The following PPP2R2B variants were observed in gnomAD, a reference collection of about 807,000 sequenced individuals.
PPP2R2B encodes serine/threonine-protein phosphatase 2A 55 kDa regulatory subunit B beta isoform.
A neutral mutation model predicts 46.0 loss-of-function variants in PPP2R2B; 5 were observed. That is an observed-to-expected ratio of 0.11 (90% CI 0.06 to 0.23). The LOEUF (loss-of-function observed/expected upper bound fraction) is 0.23, where lower values mean the gene tolerates loss of function less well. PPP2R2B is among the 10% of genes least tolerant of loss of function. The pLI is 1.00. For missense variants in PPP2R2B, 367 were observed against 575.0 expected (o/e 0.64, Z 3.70); for synonymous variants, 215 against 206.7 (o/e 1.04, Z -0.34).
At chr5:146,961,447 G>A (rs1179643855) in intron 1 of PPP2R2B, among the ~76,000 whole-genome samples, 2 of 152,134 alleles carry the variant, frequency 1.3e-5, no homozygotes, top group African/African-American at 2.4e-5. Flanking sequence ...TGCTCTATCT[G>A]TAACAACTTT....
intron 5 of PPP2R2B, among the ~76,000 whole-genome samples, chr5:146,668,185 ACGAT>A (rs943372293): frequency 1.4e-4 from 8 of 58,772 alleles, no homozygotes; most frequent in Admixed American, 6.5e-4. Context: ...CCTAAAGAAA[ACGAT>A]TAATTCTCTA....
chr5:146,970,323 G>A (rs898660111), intron 1 of PPP2R2B, among the ~76,000 whole-genome samples: 8 of 152,066 alleles, frequency 5.3e-5, no homozygotes, highest in African/African-American at 1.2e-4. Flanking sequence ...AAGACCAGCC[G>A]GGTGCGGTGG....
At chr5:146,744,879 G>GCATT (rs1753080998) in intron 2 of PPP2R2B, among the ~76,000 whole-genome samples, 1 of 152,044 alleles carries the variant, frequency 6.6e-6, no homozygotes, top group Non-Finnish European at 1.5e-5. Context: ...ACTTTCAAAT[G>GCATT]CATTGCTCAG....
chr5:146,589,396 A>ATCTC lies in PPP2R2B; in HGVS notation c.*547_*550dup, dbSNP rs1296777315. ...TCCTCTTCTCAGCTTCATGCAATAA[A>ATCTC]TCTCTGGCTTAAATGAAATTGTTCA... On this transcript the variant is annotated 3_prime_UTR_variant, in exon 10 of 10. Coordinates refer to ENST00000394411, the MANE Select transcript of PPP2R2B (RefSeq NM_181675.4). The ATCTC allele has an allele frequency of 1.3e-5, 2 of 153,966 alleles. No homozygotes were observed. Among genetic ancestry groups the ATCTC allele is most frequent in the African/African-American group, 4.8e-5 (2 of 41,430 alleles). 9.5% of individuals were successfully genotyped at this position (153,966 alleles called of 1,614,324 possible).
chr5:147,026,321 T>C (rs1327258392), intron 1 of PPP2R2B, among the ~76,000 whole-genome samples: 5 of 152,208 alleles, frequency 3.3e-5, no homozygotes, highest in Admixed American at 2.0e-4. Context: ...CACAGTAACA[T>C]TGATGAATCT....
intron 2 of PPP2R2B, among the ~76,000 whole-genome samples, chr5:146,821,405 T>C (rs1758254514): frequency 6.6e-6 from 1 of 152,222 alleles, no homozygotes; most frequent in African/African-American, 2.4e-5. Context: ...GCTCAAAGCA[T>C]GAGCCCACCC....
chr5:147,073,093 T>C lies in PPP2R2B; in HGVS notation c.50+7966A>G, dbSNP rs531048609. The stretch of plus-strand genomic sequence containing the variant: ...GGAGCAACAGGGTTTTGTCCATGAC[T>C]GGCCTCATCGTCCAGCCCAGTGCCT... On this transcript the variant is annotated intron_variant, in intron 2 of 10. Coordinates refer to the PPP2R2B transcript ENST00000394413. Among the ~76,000 whole-genome samples, 175 of 152,360 alleles carry C rather than the reference T, an allele frequency of 1.1e-3. 2 individuals are homozygous for C. Among genetic ancestry groups the C allele is most frequent in the African/African-American group, 3.5e-3 (146 of 41,578 alleles).
At chr5:147,062,044 G>A (rs1293820952) in intron 2 of PPP2R2B, among the ~76,000 whole-genome samples, 2 of 152,164 alleles carry the variant, frequency 1.3e-5, no homozygotes, top group African/African-American at 4.8e-5. Context: ...GTGCCATAAT[G>A]ACATTTCAGT....
intron 2 of PPP2R2B, chr5:146,706,834 A>G: frequency 1.0e-6 from 1 of 991,200 alleles, no homozygotes; most frequent in Non-Finnish European, 1.6e-6. Context: ...CCTTGACCTC[A>G]GCGATGATGC....
At chr5:146,854,386 T>A (rs1010919961) in intron 2 of PPP2R2B, among the ~76,000 whole-genome samples, 1 of 152,206 alleles carries the variant, frequency 6.6e-6, no homozygotes, top group Non-Finnish European at 1.5e-5. Flanking sequence ...ATTCGGGTTA[T>A]TTATCACCTT....
chr5:146,835,882 A>G (rs1327528351), intron 2 of PPP2R2B, among the ~76,000 whole-genome samples: 3 of 152,214 alleles, frequency 2.0e-5, no homozygotes, highest in African/African-American at 7.2e-5. Context: ...CATCTTGGAC[A>G]TTATGCTAAT....
chr5:146,601,769 T>C (rs1389032921), intron 7 of PPP2R2B, among the ~76,000 whole-genome samples: 1 of 152,224 alleles, frequency 6.6e-6, no homozygotes, highest in Admixed American at 6.5e-5. Context: ...ATATATTGCA[T>C]AGTGGTGAGG....
At chr5:146,787,102 C>G (rs1275294238) in intron 2 of PPP2R2B, among the ~76,000 whole-genome samples, 1 of 152,152 alleles carries the variant, frequency 6.6e-6, no homozygotes, top group African/African-American at 2.4e-5. Flanking sequence ...TGTCAAAAAT[C>G]AAACACACAC....
rs368021236 is a variant in PPP2R2B, at chr5:146,698,039, T to C, written c.274A>G (p.Ile92Val). The part of the protein sequence containing the change: ...YLKSLEIEEK[I>V]NKIRWLPQQN... ...TGGGGGAGCCATCTTATTTTATTGA[T>C]TTTTTCTTCTATTTCTAAACTCTTC... is the stretch of plus-strand genomic sequence containing the variant. The change falls in exon 4 of 10, where the codon ATC becomes GTC. Residue 92 changes from isoleucine to valine, a missense_variant. Coordinates refer to ENST00000394411, the MANE Select transcript of PPP2R2B (RefSeq NM_181675.4). 2 of 1,613,550 alleles carry C rather than the reference T, an allele frequency of 1.2e-6. No individual in the cohort carries two copies. The highest frequency in any genetic ancestry group is 2.7e-5 in the African/African-American group (2 of 74,794).
intron 1 of PPP2R2B, among the ~76,000 whole-genome samples, chr5:147,023,561 A>G (rs1388227205): frequency 6.6e-6 from 1 of 152,202 alleles, no homozygotes; most frequent in East Asian, 1.9e-4. Flanking sequence ...AACAATAATC[A>G]TAAGAGGGAT....
intron 1 of PPP2R2B, among the ~76,000 whole-genome samples, chr5:146,959,530 T>TATGCATGCATGAATAA (rs1157326651): frequency 6.6e-6 from 1 of 152,130 alleles, no homozygotes; most frequent in Non-Finnish European, 1.5e-5. Flanking sequence ...AATATTTATA[T>TATGCATGCATGAATAA]ATGCATGCAT....
At chr5:146,736,227 G>A (rs969425840) in intron 2 of PPP2R2B, among the ~76,000 whole-genome samples, 1 of 152,082 alleles carries the variant, frequency 6.6e-6, no homozygotes, top group Non-Finnish European at 1.5e-5. Context: ...GTTTCCTGAG[G>A]CCTCCCCAGC....
At position 146,753,077 on chromosome 5, in the gene PPP2R2B, A is replaced by G. The variant is rs757930137; in HGVS notation, c.71-51935T>C. On this transcript the variant is annotated intron_variant, in intron 2 of 9. Coordinates refer to ENST00000394411, the MANE Select transcript of PPP2R2B (RefSeq NM_181675.4). ...AACACATTTTGGCAAAAGCAGAACT[A>G]GTACAACCTTCTCAAGCACTGGGGC... 1.4e-3 allele frequency among the ~76,000 whole-genome samples: 206 copies of G among 152,302 alleles called. 6 individuals are homozygous for G. In the Middle Eastern group the frequency reaches 0.061, roughly 45 times the overall value.
chr5:146,647,480 A>AT (rs565361175), intron 6 of PPP2R2B, among the ~76,000 whole-genome samples: 7 of 152,168 alleles, frequency 4.6e-5, no homozygotes, highest in Non-Finnish European at 1.0e-4. Context: ...AACTATATAG[A>AT]TATCACTTAT....
Sources: gnomAD v4.1 joint callset for allele counts (sites outside exome capture counted in the v4.1 genomes callset) on GRCh38, gnomAD v4.1.1 for gene constraint, MANE v1.5 for transcripts, NCBI Gene and HGNC (gene_info 2026-07-23, HGNC 2026-07-21) for gene names.